Variants in SV2C observed in about 807,000 individuals in gnomAD.
SV2C encodes synaptic vesicle glycoprotein 2C.
SV2C carries 49 observed loss-of-function variants against 79.7 expected under a neutral mutation model. The ratio of observed to expected loss-of-function variants is 0.61; its 90% CI spans 0.49 to 0.78. The LOEUF (loss-of-function observed/expected upper bound fraction) is 0.78. Among genes scored for constraint, SV2C ranks in the 30% least tolerant of loss-of-function variants. The probability of loss-of-function intolerance (pLI) is 0.00; values close to 1 mark genes in which losing one functional copy is unlikely to be tolerated. For missense variants in SV2C, 833 were observed against 912.9 expected (o/e 0.91, Z 1.13); for synonymous variants, 334 against 333.2 (o/e 1.00, Z -0.03).
chr5:76,241,582 A>G (rs113106839), intron 4 of SV2C, among the ~76,000 whole-genome samples: 16,059 of 150,852 alleles, frequency 0.11, 2,526 homozygotes, highest in African/African-American at 0.35. Flanking sequence ...CAGATTGCCT[A>G]ACACACTGGT....
the SV2C span, among the ~76,000 whole-genome samples, chr5:75,855,285 C>A: frequency 5.3e-5 from 8 of 152,038 alleles, no homozygotes; most frequent in Non-Finnish European, 1.2e-4. Flanking sequence ...TGGCATTGGA[C>A]TTTTAATTTC....
chr5:75,972,162 T>C, the SV2C span, among the ~76,000 whole-genome samples: 2 of 152,152 alleles, frequency 1.3e-5, no homozygotes, highest in African/African-American at 4.8e-5. Flanking sequence ...TTACACCTTA[T>C]ACATAAATTA....
the SV2C span, among the ~76,000 whole-genome samples, chr5:76,074,087 A>T: frequency 7.1e-4 from 108 of 152,212 alleles, no homozygotes; most frequent in Non-Finnish European, 1.2e-3. Context: ...GTCATTCAGA[A>T]CTTCCTCTGC....
chr5:76,242,167 C>G, intron 4 of SV2C: 2 of 1,147,814 alleles, frequency 1.7e-6, no homozygotes, highest in Non-Finnish European at 2.6e-6. Context: ...TTTGCAGGGG[C>G]CTTTTAGGCG....
chr5:75,894,094 A>G, the SV2C span, among the ~76,000 whole-genome samples: 1 of 152,076 alleles, frequency 6.6e-6, no homozygotes, highest in Non-Finnish European at 1.5e-5. Flanking sequence ...CATTAGAATT[A>G]TTCATTACGT....
At chr5:76,193,923 A>G (rs1034536223) in intron 2 of SV2C, among the ~76,000 whole-genome samples, 1 of 152,230 alleles carries the variant, frequency 6.6e-6, no homozygotes, top group African/African-American at 2.4e-5. Context: ...CCTGGCACAA[A>G]CAGATGCTCA....
chr5:76,147,672 G>A (rs1056344472), intron 2 of SV2C, among the ~76,000 whole-genome samples: 3 of 152,158 alleles, frequency 2.0e-5, no homozygotes. Context: ...AAAACATTCT[G>A]TAGGTCATTT....
rs759192150 is a variant in SV2C, at chr5:76,127,267, G to A, written c.-101-4383G>A. On this transcript the variant is annotated intron_variant, in intron 1 of 12. Coordinates refer to ENST00000502798, the MANE Select transcript of SV2C (RefSeq NM_014979.4). ...GTAGGGTGGGAGCTTGTGTAGGAAAGTTTTAAAATAGTATGTAGTGGTATT... is the reference window on the plus strand; with the variant it reads ...GTAGGGTGGGAGCTTGTGTAGGAAAATTTTAAAATAGTATGTAGTGGTATT... Among the ~76,000 whole-genome samples the A allele has an allele frequency of 1.4e-4, 22 of 152,160 alleles. 1 individual carries two copies. Among genetic ancestry groups the A allele is most frequent in the Admixed American group, 4.6e-4 (7 of 15,278 alleles).
upstream of SV2C, chr5:76,078,825 A>G (rs955713001): frequency 2.7e-5 from 16 of 587,548 alleles, no homozygotes; most frequent in African/African-American, 2.6e-4. Context: ...ACAGACAGAA[A>G]CACAAAAACA....
intron 1 of SV2C, among the ~76,000 whole-genome samples, chr5:76,125,427 A>G (rs1360324603): frequency 6.6e-6 from 1 of 152,176 alleles, no homozygotes; most frequent in Non-Finnish European, 1.5e-5. Flanking sequence ...AAAGGATTTT[A>G]GTGTTCATCT....
chr5:76,282,534 A>G (rs1314922984), intron 4 of SV2C, among the ~76,000 whole-genome samples: 1 of 152,222 alleles, frequency 6.6e-6, no homozygotes, highest in Admixed American at 6.5e-5. Flanking sequence ...GTGATTGTCT[A>G]TTGTTTTTCA....
At chr5:75,947,172 T>C in the SV2C span, among the ~76,000 whole-genome samples, 2 of 152,044 alleles carry the variant, frequency 1.3e-5, no homozygotes, top group African/African-American at 4.8e-5. Context: ...AAATGTCTAC[T>C]AGAATATTGT....
chr5:75,963,017 G>T, the SV2C span, among the ~76,000 whole-genome samples: 3 of 152,010 alleles, frequency 2.0e-5, no homozygotes. Context: ...GCAACACACT[G>T]TGATGTGACT....
chr5:76,140,792 T>A (rs1206748710), intron 2 of SV2C, among the ~76,000 whole-genome samples: 1 of 152,170 alleles, frequency 6.6e-6, no homozygotes, highest in Non-Finnish European at 1.5e-5. Context: ...GACTTTAGGA[T>A]CAGCAGCTCT....
the SV2C span, among the ~76,000 whole-genome samples, chr5:75,962,573 G>C: frequency 6.6e-6 from 1 of 152,078 alleles, no homozygotes; most frequent in African/African-American, 2.4e-5. Context: ...TTTTCATGAG[G>C]TGTCAGTGAT....
chr5:76,146,285 A>G (rs1344566111), intron 2 of SV2C, among the ~76,000 whole-genome samples: 1 of 152,236 alleles, frequency 6.6e-6, no homozygotes, highest in African/African-American at 2.4e-5. Context: ...CCACGGTAAA[A>G]GCAAGTTTAT....
intron 1 of SV2C, among the ~76,000 whole-genome samples, chr5:76,107,628 C>T (rs145150961): frequency 0.014 from 2,206 of 152,210 alleles, 55 homozygotes; most frequent in African/African-American, 0.046. Flanking sequence ...GTTTGGGAGG[C>T]CAAGGCAGGC....
chr5:76,296,057 A>G, intron 9 of SV2C, 115 bp downstream of exon 9: 1 of 993,600 alleles, frequency 1.0e-6, no homozygotes, highest in South Asian at 1.9e-5. Flanking sequence ...TAGTTTGTAC[A>G]TTTAGTCATT....
the SV2C span, among the ~76,000 whole-genome samples, chr5:76,070,875 C>T: frequency 6.6e-6 from 1 of 152,230 alleles, no homozygotes; most frequent in Non-Finnish European, 1.5e-5. Context: ...ATACCAGCTT[C>T]TCTTCTTCCA....
Sources: allele counts gnomAD v4.1 joint callset (sites outside exome capture counted in the v4.1 genomes callset), GRCh38; gene constraint gnomAD v4.1.1; transcripts MANE v1.5; gene names NCBI Gene and HGNC (gene_info 2026-07-23, HGNC 2026-07-21).